The following PLXNC1 variants were observed in gnomAD, a reference collection of about 807,000 sequenced individuals.
PLXNC1 encodes plexin C1.
A neutral mutation model predicts 178.2 loss-of-function variants in PLXNC1; 75 were observed. The ratio of observed to expected loss-of-function variants is 0.42; its 90% confidence interval spans 0.35 to 0.51. The LOEUF (loss-of-function observed/expected upper bound fraction) is 0.51, where lower values mean the gene tolerates loss of function less well. Ranked by LOEUF, PLXNC1 falls within the 20% of genes least tolerant of loss-of-function variation. The pLI, the probability that PLXNC1 is intolerant of heterozygous loss-of-function variation, is 0.02. For missense variants in PLXNC1, 1,503 were observed against 1,984.4 expected (o/e 0.76, Z 4.61); for synonymous variants, 790 against 779.9 (o/e 1.01, Z -0.22).
chr12:94,221,086 A>C (rs983516523), intron 6 of PLXNC1, among the ~76,000 whole-genome samples: 1 of 152,218 alleles, frequency 6.6e-6, no homozygotes, highest in African/African-American at 2.4e-5. Context: ...CTGGCAGCAC[A>C]ATCAGATTTT....
At chr12:94,201,351 A>G (rs962839286) in intron 4 of PLXNC1, among the ~76,000 whole-genome samples, 2 of 152,228 alleles carry the variant, frequency 1.3e-5, no homozygotes, top group African/African-American at 2.4e-5. Context: ...TCATTGCCCA[A>G]ATCCCTTTCT....
intron 1 of PLXNC1, among the ~76,000 whole-genome samples, chr12:94,166,772 CTT>C (rs139796744): frequency 1.4e-5 from 2 of 145,038 alleles, no homozygotes; most frequent in African/African-American, 2.5e-5. Flanking sequence ...ACCCATGCTA[CTT>C]TTTTTTTTTT....
intron 5 of PLXNC1, among the ~76,000 whole-genome samples, chr12:94,212,443 TTAGG>T (rs1156419000): frequency 6.6e-6 from 1 of 152,092 alleles, no homozygotes; most frequent in Non-Finnish European, 1.5e-5. Flanking sequence ...GTCATTTACA[TTAGG>T]TATTTCTCCT....
intron 7 of PLXNC1, among the ~76,000 whole-genome samples, chr12:94,225,138 G>A (rs1226132064): frequency 6.6e-6 from 1 of 152,148 alleles, no homozygotes; most frequent in Non-Finnish European, 1.5e-5. Context: ...TTCTAAAGCA[G>A]CAAGAGGACA....
intron 5 of PLXNC1, among the ~76,000 whole-genome samples, chr12:94,216,199 T>C (rs1592774542): frequency 6.7e-6 from 1 of 149,482 alleles, no homozygotes; most frequent in Non-Finnish European, 1.5e-5. Context: ...ATCTGGGAGG[T>C]GAAGGTTGCA....
intron 27 of PLXNC1, 103 bp from the exon 28 acceptor site, chr12:94,300,807 T>G: frequency 1.9e-6 from 2 of 1,074,582 alleles, no homozygotes; most frequent in Non-Finnish European, 2.7e-6. Context: ...AGTTGTATAC[T>G]TCAATAACAA....
At position 94,149,996 on chromosome 12, in the gene PLXNC1, G is replaced by A; in HGVS notation, c.1025G>A (p.Arg342Lys). 1 of 1,596,608 alleles carries A rather than the reference G, an allele frequency of 6.3e-7. No homozygotes were observed. The highest frequency in any genetic ancestry group is 8.5e-7 in the Non-Finnish European group (1 of 1,172,932). ...AGTGAGATCCAGGCGCGCGCCAAGA[G>A]GGTCAGCTGGGACTTCAAGACGGCC... is the stretch of plus-strand genomic sequence containing the variant. ...RMSEIQARAKRVSWDFKTAES... is the reference protein window; with the variant it reads ...RMSEIQARAKKVSWDFKTAES... Residue 342 changes from arginine to lysine, a missense_variant, in exon 1 of 31, where the codon AGG becomes AAG. This residue lies in a region of PLXNC1 where 615 missense variants were observed against 698.6 expected (regional missense o/e 0.88). Transcript: ENST00000258526.
chr12:94,175,685 GCC>G (rs1372190488), intron 2 of PLXNC1, among the ~76,000 whole-genome samples: 2 of 152,228 alleles, frequency 1.3e-5, no homozygotes, highest in Non-Finnish European at 2.9e-5. Flanking sequence ...AAGCTGAAGA[GCC>G]CTATAAAATC....
intron 1 of PLXNC1, among the ~76,000 whole-genome samples, chr12:94,162,622 G>A (rs1245253819): frequency 6.6e-6 from 1 of 152,190 alleles, no homozygotes; most frequent in Admixed American, 6.5e-5. Flanking sequence ...GAATGAATGG[G>A]CACTTGGGCT....
rs1225747327 is a variant in PLXNC1 at position 94,157,325 on chromosome 12, C to T, written c.1062+7292C>T. Among the ~76,000 whole-genome samples, 5 of 152,154 alleles carry T rather than the reference C, an allele frequency of 3.3e-5. No homozygotes were observed. In the East Asian group the frequency reaches 7.7e-4, roughly 23 times the overall value. The stretch of plus-strand genomic sequence containing the variant: ...TAGCATACAGTAGTGTCAAATCTGC[C>T]TCCCTTAAAGTTTTTTGATGACCAC... On this transcript the variant is annotated intron_variant, in intron 1 of 30. Coordinates refer to ENST00000258526, the MANE Select transcript of PLXNC1 (RefSeq NM_005761.3).
At chr12:94,168,459 C>G (rs1007069854) in intron 1 of PLXNC1, 1 of 152,270 alleles carries the variant, frequency 6.6e-6, no homozygotes, top group Admixed American at 6.5e-5. Flanking sequence ...TACATGTGCT[C>G]AGAGCCTCAG....
rs1969024963 is a variant in PLXNC1, at chr12:94,306,428, A to AAAG, written c.*1146_*1148dup. On this transcript the variant is annotated 3_prime_UTR_variant, in exon 31 of 31. Transcript: ENST00000258526. ...CCATTTTATTCATGCCTTTCTTTTT[A>AAAG]AAGAATTCTCTATCCAGTTATACTG... 1 of 152,164 alleles carries AAAG rather than the reference A, an allele frequency of 6.6e-6. No individual in the cohort carries two copies. Among genetic ancestry groups the AAAG allele is most frequent in the African/African-American group, 2.4e-5 (1 of 41,440 alleles). The allele number at this position is 152,164 out of a possible 1,614,324, so 9.4% of individuals were successfully genotyped here. A position where few individuals can be genotyped will look rare whatever the true frequency, so the allele number is the denominator to read the frequency against.
At chr12:94,181,349 A>G (rs1962296426) in intron 2 of PLXNC1, 97 bp from the exon 3 acceptor site, 13 of 787,978 alleles carry the variant, frequency 1.6e-5, no homozygotes, top group Non-Finnish European at 2.6e-5. Flanking sequence ...GATCATGCCA[A>G]TGCATTCCAG....
At chr12:94,253,616 A>G (rs1964761811) in intron 15 of PLXNC1, among the ~76,000 whole-genome samples, 4 of 152,170 alleles carry the variant, frequency 2.6e-5, no homozygotes, top group Non-Finnish European at 5.9e-5. Context: ...GAAGTAGTCC[A>G]GTGAAGAGCC....
At chr12:94,226,746 G>A (rs373448397) in intron 8 of PLXNC1, 39 bp downstream of exon 8, 73 of 1,408,854 alleles carry the variant, frequency 5.2e-5, no homozygotes, top group African/African-American at 9.9e-5. Context: ...CTTAACCGCC[G>A]GGCATGGTGG....
intron 5 of PLXNC1, among the ~76,000 whole-genome samples, chr12:94,214,663 A>G (rs1963592082): frequency 6.6e-6 from 1 of 152,242 alleles, no homozygotes; most frequent in Non-Finnish European, 1.5e-5. Flanking sequence ...TAACCTTACT[A>G]CATGTTAAAT....
intron 23 of PLXNC1, among the ~76,000 whole-genome samples, chr12:94,288,941 C>A (rs964223274): frequency 6.6e-6 from 1 of 152,108 alleles, no homozygotes; most frequent in Admixed American, 6.6e-5. Flanking sequence ...TAAATTATCA[C>A]AATATTCAGA....
intron 1 of PLXNC1, among the ~76,000 whole-genome samples, chr12:94,153,498 C>T (rs144396012): frequency 1.3e-5 from 2 of 152,194 alleles, no homozygotes; most frequent in Admixed American, 6.5e-5. Context: ...ATTTGACTTC[C>T]TACCTTTCTG....
In PLXNC1 at chr12:94,149,737, G is replaced by T; in HGVS notation, c.766G>T (p.Gly256Cys). The T allele has an allele frequency of 6.2e-7, 1 of 1,611,772 alleles. No individual in the cohort carries two copies. The highest frequency in any genetic ancestry group is 1.1e-5 in the South Asian group (1 of 90,920). The change falls in exon 1 of 31, where the codon GGC becomes TGC. Residue 256 changes from glycine (G) to cysteine (C), a missense_variant. Physicochemically the swap from Gly to Cys is radical, Grantham distance 159. Coordinates refer to ENST00000258526, the MANE Select transcript of PLXNC1 (RefSeq NM_005761.3). Reference protein sequence around the residue: ...FPYYPYNYTSGAATGWPSMAR... With the variant: ...FPYYPYNYTSCAATGWPSMAR... ...CTACTACCCCTACAACTACACGAGC[G>T]GCGCTGCCACCGGCTGGCCCAGCAT... is the stretch of plus-strand genomic sequence containing the variant.
Sources: gnomAD v4.1 joint callset for allele counts (sites outside exome capture counted in the v4.1 genomes callset) on GRCh38, gnomAD v4.1.1 for gene constraint, gnomAD v4.1.1 regional missense constraint, MANE v1.5 for transcripts, NCBI Gene and HGNC (gene_info 2026-07-23, HGNC 2026-07-21) for gene names.